The following GFY variants were observed in gnomAD, a reference collection of about 807,000 sequenced individuals.
The protein encoded by GFY is golgi associated olfactory signaling regulator.
A neutral mutation model predicts 29.1 loss-of-function variants in GFY; 28 were observed. The ratio of observed to expected loss-of-function variants is 0.96; its 90% CI spans 0.71 to 1.32. The LOEUF (loss-of-function observed/expected upper bound fraction) is 1.32, where lower values mean the gene tolerates loss of function less well. Ranked by LOEUF, GFY falls within the 40% of genes most tolerant of loss-of-function variation. The pLI is 0.00. For synonymous variants in GFY, 277 were observed against 274.5 expected, an observed-to-expected ratio of 1.01 and a Z score of -0.09; for missense variants, 656 against 661.9, an observed-to-expected ratio of 0.99 and a Z score of 0.10.
At position 49,427,541 on chromosome 19, in the gene GFY, C is replaced by CGG. The variant is rs1568631920; in HGVS notation, c.1113_1114dup (p.Ala372GlyfsTer21). On this transcript the variant is annotated frameshift_variant, in exon 2 of 4. Transcript: ENST00000610896. LOFTEE classifies it high-confidence loss of function. ...CAGTCAGTTGGCCCCTGCCACTCTG[C>CGG]GGGCACCCCAGAGGCACAGCCGAGG... The CGG allele has an allele frequency of 6.6e-7, 1 of 1,516,272 alleles. No homozygotes were observed. The allele number at this position is 1,516,272 out of a possible 1,614,324, so 93.9% of individuals were successfully genotyped here. A position where few individuals can be genotyped will look rare whatever the true frequency, so the allele number is the denominator to read the frequency against.
rs1245883273 is a variant in GFY at position 49,428,042 on chromosome 19, T to C, written c.1280T>C (p.Leu427Pro). The C allele has an allele frequency of 6.5e-7, 1 of 1,535,948 alleles. No homozygotes were observed. The highest frequency in any genetic ancestry group is 1.4e-5 in the African/African-American group (1 of 73,180). Residue 427 changes from leucine (L) to proline (P), a missense_variant, in exon 3 of 4, where the codon CTG becomes CCG. Coordinates refer to ENST00000610896, the MANE Select transcript of GFY (RefSeq NM_001195256.2). The part of the protein sequence containing the change: ...TALLIGIFVL[L>P]WCLYRRAARQ... ...CTGCTGATCGGCATCTTTGTGCTGC[T>C]GTGGTGTCTTTACCGCCGGGCAGCT...
Position 49,428,031 on chromosome 19 carries a change from C to A in GFY, c.1269C>A (p.Ile423=). The change falls in exon 3 of 4, where the codon ATC becomes ATA. Residue 423 remains isoleucine (I), a synonymous_variant. Coordinates refer to ENST00000610896, the MANE Select transcript of GFY (RefSeq NM_001195256.2). ...FFAGTALLIG[I]FVLLWCLYRR... ...CGGGGACCGCGCTGCTGATCGGCAT[C>A]TTTGTGCTGCTGTGGTGTCTTTACC... is the stretch of plus-strand genomic sequence containing the variant. 2 of 1,536,034 alleles carry A rather than the reference C, an allele frequency of 1.3e-6. No individual in the cohort carries two copies. Among genetic ancestry groups the A allele is most frequent in the Non-Finnish European group, 1.7e-6 (2 of 1,146,792 alleles).
rs1342704085 is a variant in GFY, at chr19:49,428,822, C to G, written c.*4C>G. On this transcript the variant is annotated 3_prime_UTR_variant, in exon 4 of 4. Coordinates refer to ENST00000610896, the MANE Select transcript of GFY (RefSeq NM_001195256.2). ...GCTCCCCAACAACTTCGTGTGAGCC[C>G]CACCGAGTTCTGCCGGACCTGCACA... is the stretch of plus-strand genomic sequence containing the variant. 11 of 1,430,796 alleles carry G rather than the reference C, an allele frequency of 7.7e-6. No homozygotes were observed. Among genetic ancestry groups the G allele is most frequent in the Non-Finnish European group, 9.1e-6 (10 of 1,093,296 alleles). 88.6% of individuals were successfully genotyped at this position (1,430,796 alleles called of 1,614,324 possible). A position where few individuals can be genotyped will look rare whatever the true frequency, so the allele number is the denominator to read the frequency against.
chr19:49,427,024 C>T lies in GFY; in HGVS notation c.594C>T (p.Pro198=), dbSNP rs946226734. The change falls in exon 2 of 4, where the codon CCC becomes CCT. Residue 198 remains proline (P), a synonymous_variant. Transcript: ENST00000610896. ...CTGAAGTCTCACAGGCAGAACTCCCCGAGACCTCAAACACTAACCCTACCA... is the reference window on the plus strand; with the variant it reads ...CTGAAGTCTCACAGGCAGAACTCCCTGAGACCTCAAACACTAACCCTACCA... ...NATEVSQAEL[P]ETSNTNPTKT... 1.8e-5 allele frequency: 27 copies of T among 1,535,630 alleles called. No individual in the cohort carries two copies. In the East Asian group the frequency reaches 3.9e-4, roughly 22 times the overall value.
At position 49,426,344 on chromosome 19, in the gene GFY, C is replaced by A. The variant is rs1009906531; in HGVS notation, c.-21-66C>A. On this transcript the variant is annotated intron_variant, in intron 1 of 3. Coordinates refer to ENST00000610896, the MANE Select transcript of GFY (RefSeq NM_001195256.2). ...ACCTGTGTTCCAGTGGGCGTGGCCT[C>A]CGGGAGTGGGCGGGGCTCCTGGGAG... The A allele has an allele frequency of 6.9e-6, 10 of 1,444,522 alleles. No individual in the cohort carries two copies. In the African/African-American group the frequency reaches 1.3e-4, roughly 19 times the overall value. 89.5% of individuals were successfully genotyped at this position (1,444,522 alleles called of 1,614,324 possible).
At position 49,427,251 on chromosome 19, in the gene GFY, G is replaced by A; in HGVS notation, c.821G>A (p.Arg274Lys). 6.5e-7 allele frequency: 1 copy of A among 1,536,016 alleles called. No homozygotes were observed. The highest frequency in any genetic ancestry group is 8.7e-7 in the Non-Finnish European group (1 of 1,146,882). Residue 274 changes from arginine (R) to lysine (K), a missense_variant, in exon 2 of 4, where the codon AGG becomes AAG. Coordinates refer to ENST00000610896, the MANE Select transcript of GFY (RefSeq NM_001195256.2). ...TACCAAAATGCAACAGATGTACCCA[G>A]GACCTCCGACCCTCAAATCTCCACT... is the stretch of plus-strand genomic sequence containing the variant. ...TYYQNATDVPRTSDPQISTSL... is the reference protein window; with the variant it reads ...TYYQNATDVPKTSDPQISTSL...
rs564695668 is a variant in GFY at position 49,426,313 on chromosome 19, T to G, written c.-21-97T>G. ...CGCCAAGCTGGGCCCCGGACAGACG[T>G]GGTCCACCTGTGTTCCAGTGGGCGT... is the stretch of plus-strand genomic sequence containing the variant. On this transcript the variant is annotated intron_variant, in intron 1 of 3. Coordinates refer to ENST00000610896, the MANE Select transcript of GFY (RefSeq NM_001195256.2). 9.1e-6 allele frequency: 13 copies of G among 1,435,896 alleles called. No homozygotes were observed. In the East Asian group the frequency reaches 3.2e-4, roughly 36 times the overall value. The allele number at this position is 1,435,896 out of a possible 1,614,324, so 88.9% of individuals were successfully genotyped here. A position where few individuals can be genotyped will look rare whatever the true frequency, so the allele number is the denominator to read the frequency against.
In GFY at chr19:49,428,640, A is replaced by G; in HGVS notation, c.1379A>G (p.Lys460Arg). Residue 460 changes from lysine to arginine, a missense_variant, in exon 4 of 4, where the codon AAA becomes AGA. Coordinates refer to ENST00000610896, the MANE Select transcript of GFY (RefSeq NM_001195256.2). ...ACAGTTCTGCATTTGGACGCCCCGA[A>G]AGACCCCTACGACCTCTACTTTTAT... ...DEPVLHLDAP[K>R]DPYDLYFYAP... is the part of the protein sequence containing the mutation. The G allele has an allele frequency of 2.0e-6, 3 of 1,500,858 alleles. No homozygotes were observed. Among genetic ancestry groups the G allele is most frequent in the Middle Eastern group, 1.7e-4 (1 of 5,840 alleles). The allele number at this position is 1,500,858 out of a possible 1,614,324, so 93.0% of individuals were successfully genotyped here.
chr19:49,426,311 C>T (rs1006715288), intron 1 of GFY, 99 bp from the exon 2 acceptor site: 24 of 1,435,802 alleles, frequency 1.7e-5, no homozygotes, highest in Middle Eastern at 2.6e-4. Context: ...CCCGGACAGA[C>T]GTGGTCCACC....
Position 49,426,532 on chromosome 19 carries a change from G to A in GFY, c.102G>A (p.Pro34=), listed in dbSNP as rs1427491567. Residue 34 remains proline (P), a synonymous_variant, in exon 2 of 4, where the codon CCG becomes CCA. Transcript: ENST00000610896. Reference sequence around the variant, plus strand: ...CTCTGCCTTTGGGCTGTGGCTTTCCGGACATGGCCCACCCCTCTGAGACTT... The same window carrying A: ...CTCTGCCTTTGGGCTGTGGCTTTCCAGACATGGCCCACCCCTCTGAGACTT... ...SAPLPLGCGF[P]DMAHPSETSP... 4 of 1,536,062 alleles carry A rather than the reference G, an allele frequency of 2.6e-6. No individual in the cohort carries two copies. The highest frequency in any genetic ancestry group is 1.4e-5 in the African/African-American group (1 of 73,112).
chr19:49,428,528 C>T lies in GFY; in HGVS notation c.1358-91C>T, dbSNP rs117955048. 3.1e-6 allele frequency: 3 copies of T among 982,100 alleles called. No homozygotes were observed. In the Admixed American group the frequency reaches 1.1e-4, roughly 35 times the overall value. 60.8% of individuals were successfully genotyped at this position (982,100 alleles called of 1,614,324 possible). Reference sequence around the variant, plus strand: ...GGAATCCTCTCTCCGGCCTCCTGATCGGTCGGCCGCACAAAAGCGGCCCTG... The same window carrying T: ...GGAATCCTCTCTCCGGCCTCCTGATTGGTCGGCCGCACAAAAGCGGCCCTG... On this transcript the variant is annotated intron_variant, in intron 3 of 3. Coordinates refer to ENST00000610896, the MANE Select transcript of GFY (RefSeq NM_001195256.2).
rs577151905 is a variant in GFY, at chr19:49,426,320, C to A, written c.-21-90C>A. 1.1e-3 allele frequency: 1,529 copies of A among 1,440,790 alleles called. 1 individual carries two copies. The highest frequency in any genetic ancestry group is 1.3e-3 in the Non-Finnish European group (1,420 of 1,104,752). 89.3% of individuals were successfully genotyped at this position (1,440,790 alleles called of 1,614,324 possible). On this transcript the variant is annotated intron_variant, in intron 1 of 3. Coordinates refer to ENST00000610896, the MANE Select transcript of GFY (RefSeq NM_001195256.2). ...CTGGGCCCCGGACAGACGTGGTCCA[C>A]CTGTGTTCCAGTGGGCGTGGCCTCC... is the stretch of plus-strand genomic sequence containing the variant.
In GFY at chr19:49,427,319, A is replaced by G. The variant is rs913311213; in HGVS notation, c.889A>G (p.Thr297Ala). The change falls in exon 2 of 4, where the codon ACT becomes GCT. Residue 297 changes from threonine to alanine, a missense_variant. By Grantham distance (58) the Thr-to-Ala change is moderately conservative. Coordinates refer to ENST00000610896, the MANE Select transcript of GFY (RefSeq NM_001195256.2). ...ACCTGTGCCCTTCAAGGATGACGCC[A>G]CTGCTCTAAATGAGCTGTCCCTGAA... ...ETPVPFKDDA[T>A]ALNELSLNPK... 8.5e-6 allele frequency: 13 copies of G among 1,536,086 alleles called. No individual in the cohort carries two copies. Among genetic ancestry groups the G allele is most frequent in the Non-Finnish European group, 1.0e-5 (12 of 1,146,920 alleles).
rs375718793 is a variant in GFY at position 49,428,507 on chromosome 19, T to A, written c.1358-112T>A. 19 of 785,714 alleles carry A rather than the reference T, an allele frequency of 2.4e-5. No individual in the cohort carries two copies. In the East Asian group the frequency reaches 4.0e-4, roughly 16 times the overall value. The allele number at this position is 785,714 out of a possible 1,614,324, so 48.7% of individuals were successfully genotyped here. A position where few individuals can be genotyped will look rare whatever the true frequency, so the allele number is the denominator to read the frequency against. ...ACTCAGTTCAAATGCAGAATCGGAA[T>A]CCTCTCTCCGGCCTCCTGATCGGTC... On this transcript the variant is annotated intron_variant, in intron 3 of 3. Coordinates refer to ENST00000610896, the MANE Select transcript of GFY (RefSeq NM_001195256.2).
chr19:49,427,019 C>G lies in GFY; in HGVS notation c.589C>G (p.Leu197Val). 1 of 1,535,908 alleles carries G rather than the reference C, an allele frequency of 6.5e-7. No homozygotes were observed. Among genetic ancestry groups the G allele is most frequent in the Non-Finnish European group, 8.7e-7 (1 of 1,146,832 alleles). Residue 197 changes from leucine (L) to valine (V), a missense_variant, in exon 2 of 4, where the codon CTC becomes GTC. Leu to Val is a conservative substitution (Grantham distance 32). Coordinates refer to ENST00000610896, the MANE Select transcript of GFY (RefSeq NM_001195256.2). The stretch of plus-strand genomic sequence containing the variant: ...TGCCACTGAAGTCTCACAGGCAGAA[C>G]TCCCCGAGACCTCAAACACTAACCC... ...LNATEVSQAE[L>V]PETSNTNPTK...
upstream of GFY, among the ~76,000 whole-genome samples, chr19:49,424,192 G>T (rs889887972): frequency 6.6e-6 from 1 of 152,128 alleles, no homozygotes; most frequent in Admixed American, 6.5e-5. Flanking sequence ...GAGTTTGGGG[G>T]TGCTGTGAAG....
rs903867986 is a variant in GFY, at chr19:49,428,253, C to G, written c.1357+134C>G. ...AGCCCTGGCTCTTCCATGGCAACGT[C>G]CAGCCCCCTAAATGTCTGCAATTTC... On this transcript the variant is annotated intron_variant, in intron 3 of 3. Coordinates refer to ENST00000610896, the MANE Select transcript of GFY (RefSeq NM_001195256.2). 4 of 1,150,002 alleles carry G rather than the reference C, an allele frequency of 3.5e-6. No homozygotes were observed. The African/African-American group carries it at 6.2e-5, about 18-fold the overall frequency. 71.2% of individuals were successfully genotyped at this position (1,150,002 alleles called of 1,614,324 possible). A position where few individuals can be genotyped will look rare whatever the true frequency, so the allele number is the denominator to read the frequency against.
rs1415858695 is a variant in GFY, at chr19:49,426,478, C to T, written c.48C>T (p.Gly16=). 2 of 1,536,090 alleles carry T rather than the reference C, an allele frequency of 1.3e-6. No homozygotes were observed. The highest frequency in any genetic ancestry group is 1.7e-4 in the Middle Eastern group (1 of 5,990). The change falls in exon 2 of 4, where the codon GGC becomes GGT. Residue 16 remains glycine (G), a synonymous_variant. Coordinates refer to ENST00000610896, the MANE Select transcript of GFY (RefSeq NM_001195256.2). ...RILFLVFLLA[G]LRSKAAPSAP... is the part of the protein sequence containing the mutation. ...TCTTCCTCGTCTTCCTCCTCGCCGG[C>T]CTGAGGTCCAAGGCCGCTCCCTCAG...
chr19:49,427,526 G>A lies in GFY; in HGVS notation c.1096G>A (p.Ala366Thr). The change falls in exon 2 of 4, where the codon GCC becomes ACC. Residue 366 changes from alanine (A) to threonine (T), a missense_variant. Coordinates refer to ENST00000610896, the MANE Select transcript of GFY (RefSeq NM_001195256.2). ...TCTTCCAGGGCGCCCCAGTCAGTTGGCCCCTGCCACTCTGCGGGCACCCCA... is the reference window on the plus strand; with the variant it reads ...TCTTCCAGGGCGCCCCAGTCAGTTGACCCCTGCCACTCTGCGGGCACCCCA... ...PALPGRPSQL[A>T]PATLRAPQRH... The A allele has an allele frequency of 5.2e-6, 8 of 1,524,094 alleles. No homozygotes were observed. The highest frequency in any genetic ancestry group is 6.1e-6 in the Non-Finnish European group (7 of 1,140,908). 94.4% of individuals were successfully genotyped at this position (1,524,094 alleles called of 1,614,324 possible).
Sources: gnomAD v4.1 joint callset for allele counts (sites outside exome capture counted in the v4.1 genomes callset) on GRCh38, gnomAD v4.1.1 for gene constraint, MANE v1.5 for transcripts, NCBI Gene and HGNC (gene_info 2026-07-23, HGNC 2026-07-21) for gene names.